Variants in ADAMTS3 observed in about 807,000 individuals in gnomAD.
The protein encoded by ADAMTS3 is ADAM metallopeptidase with thrombospondin type 1 motif 3.
Under a neutral mutation model 129.0 loss-of-function variants are expected in ADAMTS3, and 73 were observed. The observed-to-expected ratio is 0.57, with a 90% CI of 0.47 to 0.69. The LOEUF (loss-of-function observed/expected upper bound fraction) is 0.69, where lower values mean the gene tolerates loss of function less well. ADAMTS3 is among the 30% of genes least tolerant of loss of function. The probability of loss-of-function intolerance (pLI) is 0.00; values close to 1 mark genes in which losing one functional copy is unlikely to be tolerated. For synonymous variants in ADAMTS3, 477 were observed against 510.8 expected (o/e 0.93, Z 0.89); for missense variants, 1,457 against 1,514.5 (o/e 0.96, Z 0.63).
chr4:72,427,248 G>C (rs760051276), intron 3 of ADAMTS3, among the ~76,000 whole-genome samples: 42 of 152,112 alleles, frequency 2.8e-4, no homozygotes, highest in South Asian at 8.3e-4. Flanking sequence ...TCATTCCCAG[G>C]CTACACTCCT....
At chr4:72,469,249 C>T (rs1368899864) in intron 3 of ADAMTS3, among the ~76,000 whole-genome samples, 1 of 152,044 alleles carries the variant, frequency 6.6e-6, no homozygotes, top group Non-Finnish European at 1.5e-5. Context: ...GCCCAAGAGG[C>T]TGGTGAATAC....
At chr4:72,287,396 T>G (rs1718534588) in intron 21 of ADAMTS3, among the ~76,000 whole-genome samples, 1 of 130,656 alleles carries the variant, frequency 7.7e-6, no homozygotes, top group South Asian at 2.6e-4. Context: ...CATACCAAGT[T>G]GGAGAGGAAG....
chr4:72,467,365 A>G (rs377315669), intron 3 of ADAMTS3, among the ~76,000 whole-genome samples: 2 of 151,944 alleles, frequency 1.3e-5, no homozygotes, highest in African/African-American at 4.8e-5. Context: ...GTATCTTCCA[A>G]CTTCTCTAAG....
intron 3 of ADAMTS3, among the ~76,000 whole-genome samples, chr4:72,546,221 G>A (rs943371328): frequency 1.3e-5 from 2 of 152,070 alleles, no homozygotes; most frequent in East Asian, 1.9e-4. Flanking sequence ...TTTTAGAAGA[G>A]AGGCTCTCTT....
chr4:72,501,936 C>T (rs1720037011), intron 3 of ADAMTS3, among the ~76,000 whole-genome samples: 1 of 102,622 alleles, frequency 9.7e-6, no homozygotes, highest in Admixed American at 1.2e-4. Context: ...GTTTGTTGAA[C>T]AAACCTCGCA....
intron 4 of ADAMTS3, among the ~76,000 whole-genome samples, chr4:72,378,848 G>A (rs72863732): frequency 0.066 from 9,974 of 152,150 alleles, 1,133 homozygotes; most frequent in African/African-American, 0.23. Flanking sequence ...AAATCAAGAC[G>A]TCAGCCATGC....
chr4:72,567,454 C>CATA, intron 1 of ADAMTS3, 53 bp from the exon 2 acceptor site: 1 of 1,565,898 alleles, frequency 6.4e-7, no homozygotes, highest in Non-Finnish European at 8.8e-7. Flanking sequence ...TTCATCTTAT[C>CATA]ACCTTGTGAG....
chr4:72,461,512 A>G (rs774684966), intron 3 of ADAMTS3, among the ~76,000 whole-genome samples: 1 of 151,782 alleles, frequency 6.6e-6, no homozygotes, highest in Non-Finnish European at 1.5e-5. Context: ...ATGCTAATAT[A>G]CTCAGGCAAT....
At chr4:72,304,661 G>T (rs1719038152) in intron 16 of ADAMTS3, among the ~76,000 whole-genome samples, 2 of 151,994 alleles carry the variant, frequency 1.3e-5, no homozygotes, top group Non-Finnish European at 2.9e-5. Context: ...TCTTAATGTA[G>T]TATATATTTA....
chr4:72,479,152 C>T (rs1314717324), intron 3 of ADAMTS3, among the ~76,000 whole-genome samples: 3 of 152,156 alleles, frequency 2.0e-5, no homozygotes, highest in East Asian at 1.9e-4. Flanking sequence ...CCATACCCAT[C>T]AAGCTACCAA....
At chr4:72,423,956 A>T (rs916944525) in intron 3 of ADAMTS3, among the ~76,000 whole-genome samples, 1 of 152,020 alleles carries the variant, frequency 6.6e-6, no homozygotes, top group Non-Finnish European at 1.5e-5. Context: ...GCCAGAGGGA[A>T]TTTTTATCTC....
At chr4:72,317,604 T>G (rs570413771) in intron 10 of ADAMTS3, among the ~76,000 whole-genome samples, 1 of 152,278 alleles carries the variant, frequency 6.6e-6, no homozygotes, top group East Asian at 1.9e-4. Context: ...TTTCTTGTGC[T>G]AAGCACTTTA....
chr4:72,424,368 C>G (rs1214531195), intron 3 of ADAMTS3, among the ~76,000 whole-genome samples: 1 of 152,046 alleles, frequency 6.6e-6, no homozygotes, highest in Non-Finnish European at 1.5e-5. Flanking sequence ...CCTCTGCTGC[C>G]TGGTTCTTAT....
chr4:72,478,237 T>A (rs1037680126), intron 3 of ADAMTS3, among the ~76,000 whole-genome samples: 4 of 151,952 alleles, frequency 2.6e-5, no homozygotes, highest in African/African-American at 9.7e-5. Context: ...GAGACACAAC[T>A]AAAAAAGAGA....
intron 4 of ADAMTS3, among the ~76,000 whole-genome samples, chr4:72,361,517 G>T (rs1361600308): frequency 6.6e-6 from 1 of 152,046 alleles, no homozygotes. Flanking sequence ...TTTTCTATAG[G>T]CCTTAAGAAG....
chr4:72,353,366 G>A (rs1246043173), intron 4 of ADAMTS3, among the ~76,000 whole-genome samples: 1 of 152,010 alleles, frequency 6.6e-6, no homozygotes, highest in Non-Finnish European at 1.5e-5. Flanking sequence ...GAACTCATAT[G>A]AGATTTGGAA....
chr4:72,556,672 C>G (rs1721775444), intron 2 of ADAMTS3, among the ~76,000 whole-genome samples: 1 of 151,758 alleles, frequency 6.6e-6, no homozygotes, highest in Admixed American at 6.5e-5. Context: ...TAGTTCCTGA[C>G]TGATGCACGC....
chr4:72,414,975 G>C lies in ADAMTS3; in HGVS notation c.505-4C>G. 6.7e-7 allele frequency: 1 copy of C among 1,483,790 alleles called. No homozygotes were observed. The highest frequency in any genetic ancestry group is 8.9e-7 in the Non-Finnish European group (1 of 1,119,426). The allele number at this position is 1,483,790 out of a possible 1,614,324, so 91.9% of individuals were successfully genotyped here. A position where few individuals can be genotyped will look rare whatever the true frequency, so the allele number is the denominator to read the frequency against. Reference sequence around the variant, plus strand: ...TATCACTTTTTATCATTCCAGCCTAGAGAAAGCACAAAATGTGTTAATTTA... The same window carrying C: ...TATCACTTTTTATCATTCCAGCCTACAGAAAGCACAAAATGTGTTAATTTA... On this transcript the variant is annotated splice_polypyrimidine_tract_variant and splice_region_variant and intron_variant, in intron 3 of 21. Transcript: ENST00000286657.
At chr4:72,311,257 A>C in intron 13 of ADAMTS3, 76 bp from the exon 14 acceptor site, 1 of 1,296,076 alleles carries the variant, frequency 7.7e-7, no homozygotes, top group Non-Finnish European at 1.0e-6. Flanking sequence ...TTTTATTTTT[A>C]AATATAAGGT....
Sources: gnomAD v4.1 joint callset for allele counts (sites outside exome capture counted in the v4.1 genomes callset) on GRCh38, gnomAD v4.1.1 for gene constraint, MANE v1.5 for transcripts, NCBI Gene and HGNC (gene_info 2026-07-23, HGNC 2026-07-21) for gene names.